Variants in WWOX observed in about 807,000 individuals in gnomAD.
WWOX encodes the protein WW domain-containing oxidoreductase.
In WWOX, 69 loss-of-function variants were observed where a neutral mutation model predicts 46.2. That is an observed-to-expected ratio of 1.49 (90% CI 1.23 to 1.82). The LOEUF (loss-of-function observed/expected upper bound fraction) is 1.82. Among genes scored for constraint, WWOX ranks in the 40% most tolerant of loss-of-function variants. The pLI is 0.00. For missense variants in WWOX, 919 were observed against 542.6 expected (o/e 1.69, Z -6.89); for synonymous variants, 359 against 202.6 (o/e 1.77, Z -6.56).
chr16:78,303,346 C>G (rs754968209), intron 5 of WWOX, among the ~76,000 whole-genome samples: 1 of 152,038 alleles, frequency 6.6e-6, no homozygotes, highest in Non-Finnish European at 1.5e-5. Context: ...AGGCCTGATG[C>G]GCTTTAGGTA....
intron 6 of WWOX, among the ~76,000 whole-genome samples, chr16:78,412,952 G>A (rs2082716484): frequency 6.6e-6 from 1 of 152,068 alleles, no homozygotes; most frequent in South Asian, 2.1e-4. Flanking sequence ...TTTGTTTTCT[G>A]CATTTCTTTC....
chr16:78,937,598 G>A (rs1159962027), intron 8 of WWOX, among the ~76,000 whole-genome samples: 1 of 131,544 alleles, frequency 7.6e-6, no homozygotes, highest in East Asian at 2.0e-4. Flanking sequence ...CCCAGCTATA[G>A]AGCTTTATTT....
intron 8 of WWOX, among the ~76,000 whole-genome samples, chr16:78,474,496 T>G (rs1011029958): frequency 2.6e-5 from 4 of 152,244 alleles, no homozygotes; most frequent in Admixed American, 6.5e-5. Context: ...TGGTTCCCTT[T>G]TAGATTTTCT....
At chr16:78,302,540 A>T (rs950335777) in intron 5 of WWOX, among the ~76,000 whole-genome samples, 1 of 152,180 alleles carries the variant, frequency 6.6e-6, no homozygotes, top group African/African-American at 2.4e-5. Context: ...GTAAAAACAA[A>T]ATAAAAATGC....
At chr16:78,886,083 C>G (rs967400182) in intron 8 of WWOX, among the ~76,000 whole-genome samples, 1 of 151,900 alleles carries the variant, frequency 6.6e-6, no homozygotes, top group African/African-American at 2.4e-5. Context: ...CGCCACCACA[C>G]CAGGCTAATT....
intron 8 of WWOX, among the ~76,000 whole-genome samples, chr16:78,719,106 G>A (rs2048635361): frequency 6.6e-6 from 1 of 152,160 alleles, no homozygotes; most frequent in South Asian, 2.1e-4. Context: ...ACGCACAACT[G>A]GTTTCAAATC....
intron 8 of WWOX, among the ~76,000 whole-genome samples, chr16:78,476,301 G>A (rs1033114855): frequency 2.2e-4 from 34 of 152,054 alleles, no homozygotes; most frequent in African/African-American, 7.2e-4. Flanking sequence ...CATATCCTTC[G>A]CCCACTTGGG....
chr16:79,082,440 G>C (rs905281825), intron 8 of WWOX, among the ~76,000 whole-genome samples: 4 of 152,148 alleles, frequency 2.6e-5, no homozygotes, highest in African/African-American at 4.8e-5. Flanking sequence ...CCATGGCCAG[G>C]AGAAGCAGGT....
chr16:78,153,659 A>G (rs1395108279), intron 4 of WWOX, among the ~76,000 whole-genome samples: 1 of 152,146 alleles, frequency 6.6e-6, no homozygotes, highest in Non-Finnish European at 1.5e-5. Context: ...AATTGTGCCC[A>G]GTTACAAGTA....
chr16:79,198,595 T>C (rs1287689000), intron 8 of WWOX, among the ~76,000 whole-genome samples: 1 of 152,164 alleles, frequency 6.6e-6, no homozygotes, highest in Admixed American at 6.5e-5. Flanking sequence ...AAATGCATTG[T>C]GAGTGTCTGA....
At chr16:78,106,705 C>T (rs1023212578) in intron 1 of WWOX, among the ~76,000 whole-genome samples, 5 of 152,106 alleles carry the variant, frequency 3.3e-5, no homozygotes, top group East Asian at 3.9e-4. Context: ...CATGAGCCAC[C>T]GCGCCCGGCC....
intron 5 of WWOX, among the ~76,000 whole-genome samples, chr16:78,376,241 G>A (rs762457584): frequency 6.7e-6 from 1 of 150,216 alleles, no homozygotes; most frequent in African/African-American, 2.5e-5. Flanking sequence ...GGAAGCTCAC[G>A]CTTAGAGAAT....
Position 79,052,354 on chromosome 16 carries a change from A to G in WWOX, c.1057-159254A>G, listed in dbSNP as rs574063568. 7.9e-5 allele frequency among the ~76,000 whole-genome samples: 12 copies of G among 152,336 alleles called. No individual in the cohort carries two copies. In the South Asian group the frequency reaches 1.2e-3, roughly 16 times the overall value. On this transcript the variant is annotated intron_variant, in intron 8 of 8. Transcript: ENST00000566780. ...GATTTCCAATTTCATCCATGTCCCT[A>G]CAAAGGACATGAACTCATCCTTTTT...
intron 8 of WWOX, among the ~76,000 whole-genome samples, chr16:78,510,461 G>A (rs544404036): frequency 3.9e-5 from 6 of 152,222 alleles, no homozygotes; most frequent in African/African-American, 1.4e-4. Context: ...TGATCCACCT[G>A]CCTCACCTCC....
chr16:78,651,577 A>G (rs1051593908), intron 8 of WWOX, among the ~76,000 whole-genome samples: 4 of 152,160 alleles, frequency 2.6e-5, no homozygotes, highest in African/African-American at 4.8e-5. Context: ...TACCTGTTCC[A>G]TGCTTAGCCG....
intron 8 of WWOX, among the ~76,000 whole-genome samples, chr16:78,499,348 C>T (rs2084998867): frequency 6.6e-6 from 1 of 152,144 alleles, no homozygotes; most frequent in Non-Finnish European, 1.5e-5. Flanking sequence ...ATGGGTTTGG[C>T]CCACGGGAGA....
intron 8 of WWOX, among the ~76,000 whole-genome samples, chr16:78,609,292 T>C (rs893100907): frequency 2.6e-5 from 4 of 152,208 alleles, no homozygotes; most frequent in African/African-American, 9.6e-5. Context: ...TTTTTGTTTT[T>C]TAAGCTTTTC....
chr16:79,029,685 A>G (rs1268309713), intron 8 of WWOX, among the ~76,000 whole-genome samples: 2 of 152,182 alleles, frequency 1.3e-5, no homozygotes, highest in African/African-American at 2.4e-5. Context: ...AACTTTAGGC[A>G]TTGATGCGCT....
intron 8 of WWOX, among the ~76,000 whole-genome samples, chr16:78,539,711 C>CCCTCTGCACCTTGCCAGAGCATGTTTTG (rs1156825064): frequency 1.3e-5 from 2 of 152,138 alleles, no homozygotes; most frequent in African/African-American, 4.8e-5. Flanking sequence ...AGCATGTTTT[C>CCCTCTGCACCTTGCCAGAGCATGTTTTG]CCTCTAAAGA....
Sources: allele counts gnomAD v4.1 joint callset (sites outside exome capture counted in the v4.1 genomes callset), GRCh38; gene constraint gnomAD v4.1.1; transcripts MANE v1.5; gene names NCBI Gene and HGNC (gene_info 2026-07-23, HGNC 2026-07-21).